The following NEO1 variants were observed in gnomAD, a reference collection of about 807,000 sequenced individuals.
The protein encoded by NEO1 is neogenin 1, also known as neogenin.
In NEO1, 63 loss-of-function variants were observed where a neutral mutation model predicts 159.7. The ratio of observed to expected loss-of-function variants is 0.39; its 90% confidence interval spans 0.32 to 0.49. The LOEUF (loss-of-function observed/expected upper bound fraction) is 0.49, where lower values mean the gene tolerates loss of function less well. NEO1 is among the 20% of genes least tolerant of loss of function. NEO1 has a pLI of 0.85. For missense variants in NEO1, 1,615 were observed against 1,831.0 expected (o/e 0.88, Z 2.15); for synonymous variants, 633 against 662.0 (o/e 0.96, Z 0.67).
chr15:73,276,426 C>T (rs1219626887), intron 21 of NEO1, among the ~76,000 whole-genome samples: 1 of 152,200 alleles, frequency 6.6e-6, no homozygotes, highest in Non-Finnish European at 1.5e-5. Flanking sequence ...TAAGCCATCT[C>T]CACCAGCTAG....
chr15:73,265,144 G>A (rs2151010229), intron 15 of NEO1, among the ~76,000 whole-genome samples: 1 of 152,246 alleles, frequency 6.6e-6, no homozygotes, highest in East Asian at 1.9e-4. Flanking sequence ...CGGTAATGAT[G>A]GAGCACAGAG....
intron 5 of NEO1, among the ~76,000 whole-genome samples, chr15:73,154,711 C>T (rs1276825834): frequency 6.6e-6 from 1 of 152,134 alleles, no homozygotes; most frequent in Non-Finnish European, 1.5e-5. Flanking sequence ...TATCTTTTTC[C>T]ACCCTTTTAC....
At chr15:73,118,846 ATTTATT>A (rs1438903740) in intron 2 of NEO1, among the ~76,000 whole-genome samples, 14 of 152,326 alleles carry the variant, frequency 9.2e-5, no homozygotes, top group African/African-American at 2.9e-4. Context: ...ACATACTGTG[ATTTATT>A]TAAAGATTTC....
rs572837535 is a variant in NEO1, at chr15:73,144,846, A to T, written c.1015+8819A>T. Among the ~76,000 whole-genome samples, 38 of 152,316 alleles carry T rather than the reference A, an allele frequency of 2.5e-4. No homozygotes were observed. In the South Asian group the frequency reaches 7.9e-3, roughly 32 times the overall value. On this transcript the variant is annotated intron_variant, in intron 5 of 28. Transcript: ENST00000261908. ...CTACCTTTTTACCTGTGCTAGAAACATGAAAATCATTCTTGATTATTTCAA... is the reference window on the plus strand; with the variant it reads ...CTACCTTTTTACCTGTGCTAGAAACTTGAAAATCATTCTTGATTATTTCAA...
rs1308522137 is a variant in NEO1, at chr15:73,178,411, G to C, written c.1275G>C (p.Leu425=). Residue 425 remains leucine, a synonymous_variant, in exon 7 of 29, where the codon CTG becomes CTC. Coordinates refer to ENST00000261908, the MANE Select transcript of NEO1 (RefSeq NM_002499.4). The part of the protein sequence containing the change: ...DVGNAQAGAQ[L]IILEHAPATT... The stretch of plus-strand genomic sequence containing the variant: ...GAAATGCACAAGCTGGAGCCCAACT[G>C]ATAATCCTTGAACATGGTAAGAAGG... 6.2e-7 allele frequency: 1 copy of C among 1,613,730 alleles called. No individual in the cohort carries two copies. Among genetic ancestry groups the C allele is most frequent in the Non-Finnish European group, 8.5e-7 (1 of 1,179,784 alleles).
chr15:73,270,584 C>A, intron 18 of NEO1, 130 bp downstream of exon 18: 1 of 1,032,100 alleles, frequency 9.7e-7, no homozygotes, highest in Non-Finnish European at 1.4e-6. Context: ...GCTATTTCAG[C>A]TGACAAGTTG....
At chr15:73,122,471 A>C in intron 2 of NEO1, 54 bp from the exon 3 acceptor site, 2 of 1,539,394 alleles carry the variant, frequency 1.3e-6, no homozygotes, top group East Asian at 4.9e-5. Flanking sequence ...CCAAGACAAA[A>C]TTTTAAAGTA....
intron 8 of NEO1, among the ~76,000 whole-genome samples, chr15:73,242,900 G>A (rs1042076440): frequency 6.6e-6 from 1 of 152,096 alleles, no homozygotes; most frequent in African/African-American, 2.4e-5. Context: ...AAAAATATCC[G>A]CTTATACGTG....
At chr15:73,094,520 T>C (rs185505021) in intron 1 of NEO1, among the ~76,000 whole-genome samples, 13 of 152,368 alleles carry the variant, frequency 8.5e-5, no homozygotes, top group Admixed American at 8.5e-4. Context: ...TGAATAATGC[T>C]GCAATGTATA....
chr15:73,198,577 G>A (rs1448862412), intron 7 of NEO1, among the ~76,000 whole-genome samples: 1 of 150,320 alleles, frequency 6.7e-6, no homozygotes, highest in African/African-American at 2.4e-5. Context: ...GTTTCATATT[G>A]TCCAGATTGA....
chr15:73,136,146 A>G (rs2031735763), intron 5 of NEO1, 119 bp downstream of exon 5: 4 of 723,796 alleles, frequency 5.5e-6, no homozygotes, highest in South Asian at 7.6e-5. Context: ...CATAACTCCT[A>G]GACCAGACTG....
intron 26 of NEO1, among the ~76,000 whole-genome samples, chr15:73,296,050 G>A (rs2042352446): frequency 6.6e-6 from 1 of 152,210 alleles, no homozygotes; most frequent in East Asian, 1.9e-4. Flanking sequence ...CCGGAGTTGT[G>A]CAAGGCAGCC....
At chr15:73,285,536 T>C (rs950864283) in intron 23 of NEO1, among the ~76,000 whole-genome samples, 1 of 152,230 alleles carries the variant, frequency 6.6e-6, no homozygotes, top group Non-Finnish European at 1.5e-5. Context: ...TCCCCAGTTA[T>C]CTGCTTTGCA....
At chr15:73,194,636 ACT>A (rs905242536) in intron 7 of NEO1, among the ~76,000 whole-genome samples, 3 of 152,020 alleles carry the variant, frequency 2.0e-5, no homozygotes, top group African/African-American at 7.3e-5. Flanking sequence ...TGACACAAAC[ACT>A]CTCCACTAGG....
Position 73,295,146 on chromosome 15 carries a change from A to ATATATATATATATATATAT in NEO1, c.3901+1598_3901+1599insTATATATATATATATATAT, listed in dbSNP as rs1277362385. Reference sequence around the variant, plus strand: ...ATTAAATATATATATATATATATGTAAAAATTTGGCCTTTCTACTATCTCC... The same window carrying ATATATATATATATATATAT: ...ATTAAATATATATATATATATATGTATATATATATATATATATATAAAATTTGGCCTTTCTACTATCTCC... On this transcript the variant is annotated intron_variant, in intron 26 of 28. Coordinates refer to ENST00000261908, the MANE Select transcript of NEO1 (RefSeq NM_002499.4). Among the ~76,000 whole-genome samples the ATATATATATATATATATAT allele has an allele frequency of 3.9e-4, 54 of 140,152 alleles. 1 individual carries two copies. The highest frequency in any genetic ancestry group is 1.1e-3 in the South Asian group (5 of 4,530). The allele number at this position is 140,152 out of a possible 152,430, so 91.9% of individuals were successfully genotyped here.
chr15:73,168,520 C>T (rs192092055), intron 5 of NEO1, among the ~76,000 whole-genome samples: 328 of 151,746 alleles, frequency 2.2e-3, no homozygotes, highest in African/African-American at 6.2e-3. Flanking sequence ...TAATTAGTAT[C>T]AGATGGATGA....
intron 7 of NEO1, among the ~76,000 whole-genome samples, chr15:73,233,464 C>T (rs1421594127): frequency 6.6e-6 from 1 of 152,146 alleles, no homozygotes; most frequent in African/African-American, 2.4e-5. Flanking sequence ...TACTCATGTT[C>T]TCCCTGAATT....
intron 7 of NEO1, among the ~76,000 whole-genome samples, chr15:73,211,702 A>G (rs1010267272): frequency 3.9e-5 from 6 of 152,222 alleles, no homozygotes; most frequent in Admixed American, 3.9e-4. Context: ...CGACAGAGCA[A>G]GACTCCATCT....
At chr15:73,189,164 T>G (rs1291773303) in intron 7 of NEO1, among the ~76,000 whole-genome samples, 1 of 152,202 alleles carries the variant, frequency 6.6e-6, no homozygotes, top group Non-Finnish European at 1.5e-5. Flanking sequence ...ATTTTATATC[T>G]TTGATTGTGA....
Sources: allele counts gnomAD v4.1 joint callset (sites outside exome capture counted in the v4.1 genomes callset), GRCh38; gene constraint gnomAD v4.1.1; transcripts MANE v1.5; gene names NCBI Gene and HGNC (gene_info 2026-07-23, HGNC 2026-07-21).